The following MAPRE3 variants were observed in gnomAD, a reference collection of about 807,000 sequenced individuals.
MAPRE3 encodes the protein microtubule-associated protein RP/EB family member 3.
In MAPRE3, 2 loss-of-function variants were observed where a neutral mutation model predicts 30.5. That is an observed-to-expected ratio of 0.07 (90% CI 0.03 to 0.21). The LOEUF (loss-of-function observed/expected upper bound fraction) is 0.21, where lower values mean the gene tolerates loss of function less well. MAPRE3 is among the 10% of genes least tolerant of loss of function. The pLI is 1.00. For missense variants in MAPRE3, 204 were observed against 351.8 expected, an observed-to-expected ratio of 0.58 and a Z score of 3.36; for synonymous variants, 110 against 127.7, an observed-to-expected ratio of 0.86 and a Z score of 0.93.
intron 1 of MAPRE3, among the ~76,000 whole-genome samples, chr2:27,001,040 T>C (rs1666584236): frequency 6.6e-6 from 1 of 152,224 alleles, no homozygotes; most frequent in Non-Finnish European, 1.5e-5. Flanking sequence ...AACCGTACCA[T>C]CAGACAGAAC....
chr2:27,026,221 C>A (rs1667238432), intron 6 of MAPRE3, 59 bp from the exon 7 acceptor site: 6 of 1,526,020 alleles, frequency 3.9e-6, no homozygotes, highest in Non-Finnish European at 5.4e-6. Flanking sequence ...CTTACAGAAC[C>A]TGAGAAGCCC....
intron 1 of MAPRE3, chr2:27,011,920 G>GA (rs1666868126): frequency 1.4e-5 from 2 of 140,024 alleles, no homozygotes. Flanking sequence ...GTATAAAGAA[G>GA]AAAACTGGGC....
chr2:27,009,738 T>C (rs1332117438), intron 1 of MAPRE3: 1 of 152,294 alleles, frequency 6.6e-6, no homozygotes, highest in East Asian at 1.9e-4. Flanking sequence ...AGTCCTTTCC[T>C]TCCTCCCCAT....
rs1050458199 is a variant in MAPRE3, at chr2:27,024,066, A to G, written c.268-30A>G. 4 of 1,566,704 alleles carry G rather than the reference A, an allele frequency of 2.6e-6. No individual in the cohort carries two copies. In the African/African-American group the frequency reaches 4.1e-5, roughly 16 times the overall value. ...GGCGGTCCTACAGCAGCAGGTGGCT[A>G]AAGTACTCTGCTTATGTGGTCTATT... On this transcript the variant is annotated intron_variant, in intron 3 of 6. Coordinates refer to ENST00000233121, the MANE Select transcript of MAPRE3 (RefSeq NM_012326.4).
intron 1 of MAPRE3, among the ~76,000 whole-genome samples, chr2:26,976,536 A>G (rs571236678): frequency 1.4e-4 from 21 of 152,326 alleles, no homozygotes; most frequent in African/African-American, 4.6e-4. Context: ...CAATACTAGC[A>G]TAAGCCTAGA....
intron 1 of MAPRE3, among the ~76,000 whole-genome samples, chr2:27,001,246 C>T (rs1482419515): frequency 6.6e-6 from 1 of 152,218 alleles, no homozygotes; most frequent in Non-Finnish European, 1.5e-5. Context: ...CATACCTAGA[C>T]TGTATGGCAT....
At chr2:27,000,712 G>GGCC (rs1409972045) in intron 1 of MAPRE3, among the ~76,000 whole-genome samples, 3 of 152,260 alleles carry the variant, frequency 2.0e-5, no homozygotes, top group Non-Finnish European at 4.4e-5. Flanking sequence ...TGGCCTCCTA[G>GGCC]GCCGGTGCAG....
In MAPRE3 at chr2:26,986,733, A is replaced by G. The variant is rs572011856; in HGVS notation, c.-8+15931A>G. ...GCCAGTAAGGGTATTCCGTGCAGCCATCAATCATAGCACTGGTGCCTGTGG... is the reference window on the plus strand; with the variant it reads ...GCCAGTAAGGGTATTCCGTGCAGCCGTCAATCATAGCACTGGTGCCTGTGG... On this transcript the variant is annotated intron_variant, in intron 1 of 6. Transcript: ENST00000233121. The surrounding 1 kb of genome is among the most constrained non-coding windows in gnomAD (Gnocchi z 4.2). The G allele has an allele frequency of 1.3e-5, 2 of 152,466 alleles. No individual in the cohort carries two copies. Among genetic ancestry groups the G allele is most frequent in the South Asian group, 2.1e-4 (1 of 4,822 alleles). 9.4% of individuals were successfully genotyped at this position (152,466 alleles called of 1,614,324 possible).
intron 1 of MAPRE3, among the ~76,000 whole-genome samples, chr2:27,021,551 A>G (rs1042187882): frequency 5.3e-5 from 8 of 152,340 alleles, no homozygotes; most frequent in African/African-American, 1.9e-4. Context: ...TTTCTAAAAC[A>G]CAAATCTGGT....
intron 1 of MAPRE3, among the ~76,000 whole-genome samples, chr2:26,975,672 G>T (rs1666002288): frequency 6.6e-6 from 1 of 152,228 alleles, no homozygotes; most frequent in Admixed American, 6.5e-5. Context: ...TATTTGACTT[G>T]TTATAAGAAG....
intron 1 of MAPRE3, among the ~76,000 whole-genome samples, chr2:26,995,781 G>GTGTGTGTGTGTGTA (rs1491385728): frequency 1.5e-3 from 9 of 6,100 alleles, no homozygotes; most frequent in Non-Finnish European, 3.7e-3. Context: ...TCTAAGAGAG[G>GTGTGTGTGTGTGTA]TGTGTGTGTG....
At chr2:26,992,760 G>T (rs533397741) in intron 1 of MAPRE3, among the ~76,000 whole-genome samples, 1 of 152,258 alleles carries the variant, frequency 6.6e-6, no homozygotes, top group East Asian at 1.9e-4. Flanking sequence ...CATAAAACTA[G>T]AATCAAATAG....
chr2:27,024,920 T>A (rs1326581020), intron 4 of MAPRE3, among the ~76,000 whole-genome samples: 2 of 152,168 alleles, frequency 1.3e-5, no homozygotes, highest in African/African-American at 2.4e-5. Flanking sequence ...CCACCTCCTC[T>A]GTCTGCACTG....
chr2:27,007,363 A>G (rs1278702891), intron 1 of MAPRE3, among the ~76,000 whole-genome samples: 8 of 152,230 alleles, frequency 5.3e-5, no homozygotes, highest in Non-Finnish European at 1.2e-4. Flanking sequence ...TAAACCTGCT[A>G]TCCTCATTAG....
chr2:27,009,430 C>T (rs1417507968), intron 1 of MAPRE3, among the ~76,000 whole-genome samples: 4 of 152,138 alleles, frequency 2.6e-5, no homozygotes, highest in Admixed American at 6.5e-5. Flanking sequence ...TCAGCTTTTA[C>T]TAGAAAAGAT....
rs146462294 is a variant in MAPRE3 at position 26,990,268 on chromosome 2, G to A, written c.-8+19466G>A. On this transcript the variant is annotated intron_variant, in intron 1 of 6. Transcript: ENST00000233121. ...ACTCCTGATGGTTCCCAAGGAAGCT[G>A]TGTATTTCCACACCCCCTCCTATGC... 1.5e-3 allele frequency among the ~76,000 whole-genome samples: 232 copies of A among 152,320 alleles called. 1 individual carries two copies. Among genetic ancestry groups the A allele is most frequent in the African/African-American group, 5.0e-3 (209 of 41,574 alleles).
rs59415017 is a variant in MAPRE3, at chr2:26,994,824, C to CT, written c.-8+24042dup. Among the ~76,000 whole-genome samples, 167 of 76,744 alleles carry CT rather than the reference C, an allele frequency of 2.2e-3. 2 individuals are homozygous for CT. The highest frequency in any genetic ancestry group is 5.8e-3 in the African/African-American group (121 of 20,860). The allele number at this position is 76,744 out of a possible 152,430, so 50.3% of individuals were successfully genotyped here. The stretch of plus-strand genomic sequence containing the variant: ...ATTTTCCTTTCTTCTTCTTCTTCTT[C>CT]TTTTTTTTTTTTTTTTTTTTAAGAA... On this transcript the variant is annotated intron_variant, in intron 1 of 6. Coordinates refer to ENST00000233121, the MANE Select transcript of MAPRE3 (RefSeq NM_012326.4).
At position 27,025,875 on chromosome 2, in the gene MAPRE3, A is replaced by T. The variant is rs771806291; in HGVS notation, c.625-5A>T. On this transcript the variant is annotated splice_polypyrimidine_tract_variant and splice_region_variant and intron_variant, in intron 5 of 6. Coordinates refer to ENST00000233121, the MANE Select transcript of MAPRE3 (RefSeq NM_012326.4). ...TGGCTTGAACATCACTTTGTCCCCA[A>T]GCAGCTGGTGGACTTGAAGCTGACA... is the stretch of plus-strand genomic sequence containing the variant. 3.3e-5 allele frequency: 54 copies of T among 1,614,106 alleles called. 1 individual carries two copies. The highest frequency in any genetic ancestry group is 3.5e-5 in the Non-Finnish European group (41 of 1,180,040).
intron 1 of MAPRE3, among the ~76,000 whole-genome samples, chr2:26,988,317 GT>G (rs35273521): frequency 6.6e-6 from 1 of 151,924 alleles, no homozygotes; most frequent in African/African-American, 2.4e-5. Flanking sequence ...TCTCTAGCTT[GT>G]TTTTTTTCAA....
Sources: allele counts gnomAD v4.1 joint callset (sites outside exome capture counted in the v4.1 genomes callset), GRCh38; gene constraint gnomAD v4.1.1; non-coding constraint Gnocchi (gnomAD v3.1); transcripts MANE v1.5; gene names NCBI Gene and HGNC (gene_info 2026-07-23, HGNC 2026-07-21).